CTBP2: variants seen among roughly 807,000 people sequenced by gnomAD.
The protein encoded by CTBP2 is C-terminal binding protein 2, also known as C-terminal-binding protein 2.
In CTBP2, 30 loss-of-function variants were observed where a neutral mutation model predicts 80.3. That is an observed-to-expected ratio of 0.37 (90% CI 0.28 to 0.51). The LOEUF is 0.51. CTBP2 is among the 20% of genes least tolerant of loss of function. The pLI, the probability that CTBP2 is intolerant of heterozygous loss-of-function variation, is 0.93. For synonymous variants in CTBP2, 594 were observed against 587.4 expected, an observed-to-expected ratio of 1.01 and a Z score of -0.16; for missense variants, 1,212 against 1,375.3, an observed-to-expected ratio of 0.88 and a Z score of 1.88.
chr10:125,072,026 C>T (rs924930463), intron 2 of CTBP2, among the ~76,000 whole-genome samples: 2 of 152,160 alleles, frequency 1.3e-5, no homozygotes, highest in Non-Finnish European at 2.9e-5. Context: ...ATGGACAAAC[C>T]CTGAGACCTG....
At chr10:125,015,933 G>C (rs1565101546) in intron 1 of CTBP2, among the ~76,000 whole-genome samples, 1 of 152,226 alleles carries the variant, frequency 6.6e-6, no homozygotes, top group Non-Finnish European at 1.5e-5. Flanking sequence ...GATTCTGCAG[G>C]AATCTAAAAA....
At chr10:125,028,746 C>A (rs1957902081), upstream of CTBP2, among the ~76,000 whole-genome samples, 1 of 152,214 alleles carries the variant, frequency 6.6e-6, no homozygotes. Flanking sequence ...CAAAGCAGAA[C>A]TGGGAAGCGG....
At chr10:125,038,405 C>A (rs1258464338) in intron 3 of CTBP2, among the ~76,000 whole-genome samples, 1 of 152,142 alleles carries the variant, frequency 6.6e-6, no homozygotes, top group African/African-American at 2.4e-5. Flanking sequence ...AAACCCGAAC[C>A]CACACGCTGG....
chr10:125,159,665 G>C lies in CTBP2; in HGVS notation c.-206+654C>G, dbSNP rs918600323. ...CAGGGGCAGCGCCCCTGGGGACCGA[G>C]AGCCGCTCACGCCCCGACTTCCCCA... On this transcript the variant is annotated intron_variant, in intron 1 of 10. Coordinates refer to the CTBP2 transcript ENST00000337195. Among the ~76,000 whole-genome samples the C allele has an allele frequency of 4.7e-5, 7 of 149,988 alleles. No homozygotes were observed. The East Asian group carries it at 1.4e-3, about 29-fold the overall frequency.
chr10:125,072,634 G>GAAAAAAAAAAAAAAAA (rs55742060), intron 2 of CTBP2, among the ~76,000 whole-genome samples: 22 of 100,120 alleles, frequency 2.2e-4, no homozygotes, highest in South Asian at 3.5e-4. Flanking sequence ...AAAAAGAAAA[G>GAAAAAAAAAAAAAAAA]AAAAAAAAAA....
At chr10:125,104,339 C>T (rs1476585457) in intron 2 of CTBP2, among the ~76,000 whole-genome samples, 1 of 152,188 alleles carries the variant, frequency 6.6e-6, no homozygotes, top group Non-Finnish European at 1.5e-5. Context: ...TTCATCCTCC[C>T]ACATTAACAT....
intron 2 of CTBP2, among the ~76,000 whole-genome samples, chr10:125,096,697 C>T (rs938446828): frequency 1.4e-5 from 2 of 143,128 alleles, no homozygotes; most frequent in African/African-American, 5.2e-5. Flanking sequence ...AAAAGCCAGC[C>T]AGCCCAGGTA....
intron 3 of CTBP2, among the ~76,000 whole-genome samples, chr10:125,035,094 G>C (rs1412632473): frequency 1.3e-5 from 2 of 152,136 alleles, no homozygotes; most frequent in African/African-American, 4.8e-5. Flanking sequence ...ACACAGAAGA[G>C]ACCCACTGGG....
chr10:125,077,777 C>T (rs1846502320), intron 2 of CTBP2, among the ~76,000 whole-genome samples: 1 of 152,220 alleles, frequency 6.6e-6, no homozygotes, highest in Non-Finnish European at 1.5e-5. Context: ...ACCCCTGGCC[C>T]TCTGCCTCCC....
intron 1 of CTBP2, among the ~76,000 whole-genome samples, chr10:125,137,741 T>A (rs1161785788): frequency 1.3e-5 from 2 of 152,210 alleles, no homozygotes; most frequent in Non-Finnish European, 2.9e-5. Context: ...AATCCGTAAA[T>A]AACCTTCTGC....
intron 3 of CTBP2, among the ~76,000 whole-genome samples, chr10:125,035,294 C>A (rs1485566230): frequency 2.0e-5 from 3 of 152,132 alleles, no homozygotes; most frequent in Admixed American, 6.5e-5. Context: ...CCTCTGTGGT[C>A]GTGAGAACAT....
At position 125,026,795 on chromosome 10, in the gene CTBP2, G is replaced by C; in HGVS notation, c.965C>G (p.Ala322Gly). Residue 322 changes from alanine (A) to glycine (G), a missense_variant, in exon 1 of 9, where the codon GCT (alanine) becomes GGT (glycine). By Grantham distance (60) the Ala-to-Gly change is moderately conservative. Around this residue, in one of 3 missense-constraint regions of CTBP2, gnomAD observed 848 missense variants for 782.3 expected, o/e 1.08. Transcript: ENST00000309035. The stretch of plus-strand genomic sequence containing the variant: ...CTTGATATCCGCGTCCTCCAGGGTA[G>C]CCAGGACGGCCGGGGAGTCAAAGCC... 1.9e-6 allele frequency: 3 copies of C among 1,613,254 alleles called. No individual in the cohort carries two copies. Among genetic ancestry groups the C allele is most frequent in the Admixed American group, 1.7e-5 (1 of 60,032 alleles).
intron 2 of CTBP2, among the ~76,000 whole-genome samples, chr10:125,067,109 A>AT (rs1190312607): frequency 3.9e-5 from 6 of 152,180 alleles, no homozygotes; most frequent in South Asian, 2.1e-4. Context: ...TCTTTCAAGA[A>AT]TTTTTTTATT....
chr10:125,113,193 G>T (rs1325099879), intron 1 of CTBP2, among the ~76,000 whole-genome samples: 1 of 152,210 alleles, frequency 6.6e-6, no homozygotes, highest in Non-Finnish European at 1.5e-5. Flanking sequence ...GACAAGCATA[G>T]CTTTTCAGTA....
intron 2 of CTBP2, among the ~76,000 whole-genome samples, chr10:125,094,960 T>C (rs1480193802): frequency 2.0e-5 from 3 of 146,770 alleles, no homozygotes; most frequent in Non-Finnish European, 4.5e-5. Flanking sequence ...AGCATGGGGG[T>C]GGGCTCCAGC....
intron 1 of CTBP2, among the ~76,000 whole-genome samples, chr10:125,114,830 G>A (rs1455543649): frequency 7.6e-6 from 1 of 132,326 alleles, no homozygotes; most frequent in African/African-American, 2.8e-5. Flanking sequence ...GAGGCCAGGC[G>A]AGCAGCTCAA....
intron 8 of CTBP2, among the ~76,000 whole-genome samples, chr10:124,991,516 C>G (rs1443141952): frequency 1.3e-5 from 2 of 152,214 alleles, no homozygotes; most frequent in Non-Finnish European, 2.9e-5. Flanking sequence ...GCCATGTGAC[C>G]TGCAAGCACC....
rs557702673 is a variant in CTBP2, at chr10:125,049,999, A to G, written c.-101-10844T>C. ...TGTTTAGGACACCAGTAGTTTGGGC[A>G]TGCACTGGGATAAAAGTGCTCCAGG... is the stretch of plus-strand genomic sequence containing the variant. On this transcript the variant is annotated intron_variant, in intron 2 of 10. Coordinates refer to the CTBP2 transcript ENST00000337195. Among the ~76,000 whole-genome samples the G allele has an allele frequency of 2.0e-5, 3 of 152,322 alleles. 1 individual carries two copies. Among genetic ancestry groups the G allele is most frequent in the African/African-American group, 7.2e-5 (3 of 41,578 alleles).
intron 1 of CTBP2, chr10:125,005,488 CAG>C: frequency 6.6e-7 from 1 of 1,507,040 alleles, no homozygotes; most frequent in Non-Finnish European, 9.0e-7. Flanking sequence ...ACCAGGAAAA[CAG>C]GGCAGGGGAG....
Sources: gnomAD v4.1 joint callset for allele counts (sites outside exome capture counted in the v4.1 genomes callset) on GRCh38, gnomAD v4.1.1 for gene constraint, gnomAD v4.1.1 regional missense constraint, MANE v1.5 for transcripts, NCBI Gene and HGNC (gene_info 2026-07-23, HGNC 2026-07-21) for gene names.